Variants in INSL6 observed in about 807,000 individuals in gnomAD.
The protein encoded by INSL6 is insulin like 6.
INSL6 carries 16 observed loss-of-function variants against 9.4 expected under a neutral mutation model. That is an observed-to-expected ratio of 1.70 (90% CI 1.15 to 2.59). The LOEUF (loss-of-function observed/expected upper bound fraction) is 2.59, where lower values mean the gene tolerates loss of function less well. INSL6 is among the 30% of genes most tolerant of loss of function. The pLI is 0.00. For missense variants in INSL6, 391 were observed against 257.3 expected (o/e 1.52, Z -3.56); for synonymous variants, 154 against 96.9 (o/e 1.59, Z -3.46).
At chr9:5,018,391 A>G in the INSL6 span, among the ~76,000 whole-genome samples, 1 of 152,178 alleles carries the variant, frequency 6.6e-6, no homozygotes, top group East Asian at 1.9e-4. Flanking sequence ...GCTGGAGTGC[A>G]GTGGTGTGAT....
intron 3 of INSL6, among the ~76,000 whole-genome samples, chr9:5,128,710 C>A (rs1400077772): frequency 2.0e-5 from 3 of 151,620 alleles, no homozygotes; most frequent in Admixed American, 2.0e-4. Context: ...TCCAAGTTTC[C>A]AAGAGACTTC....
the INSL6 span, among the ~76,000 whole-genome samples, chr9:5,059,235 T>C: frequency 6.6e-6 from 1 of 152,180 alleles, no homozygotes; most frequent in Non-Finnish European, 1.5e-5. Flanking sequence ...CATATTCACC[T>C]CCACCCCTAA....
the INSL6 span, among the ~76,000 whole-genome samples, chr9:5,050,510 A>T: frequency 2.0e-5 from 3 of 152,178 alleles, no homozygotes; most frequent in Non-Finnish European, 4.4e-5. Flanking sequence ...GGCTCAAGTG[A>T]TCTTCATGCC....
chr9:5,067,640 G>A, the INSL6 span, among the ~76,000 whole-genome samples: 1 of 151,646 alleles, frequency 6.6e-6, no homozygotes, highest in East Asian at 1.9e-4. Context: ...TTATATTCAA[G>A]TATGAATTCA....
At chr9:5,040,354 C>A in the INSL6 span, among the ~76,000 whole-genome samples, 1 of 150,962 alleles carries the variant, frequency 6.6e-6, no homozygotes, top group Non-Finnish European at 1.5e-5. Context: ...TATTAAAACT[C>A]CAAGAAGAAA....
At chr9:5,153,349 G>C (rs116817641) in intron 2 of INSL6, among the ~76,000 whole-genome samples, 1,527 of 152,234 alleles carry the variant, frequency 0.01, 26 homozygotes, top group African/African-American at 0.034. Flanking sequence ...CTCGAACTTG[G>C]TGCACGGAGG....
At chr9:5,182,931 TG>T (rs1421483102) in intron 1 of INSL6, among the ~76,000 whole-genome samples, 1 of 152,170 alleles carries the variant, frequency 6.6e-6, no homozygotes, top group East Asian at 1.9e-4. Context: ...TAAGTAGCTT[TG>T]AAAAAAAGCA....
the INSL6 span, among the ~76,000 whole-genome samples, chr9:5,057,635 C>CACAATGG: frequency 0.04 from 5,727 of 142,986 alleles, 390 homozygotes; most frequent in African/African-American, 0.14. Context: ...CAGGCTGGAG[C>CACAATGG]ACAATGGCGC....
chr9:5,055,639 GT>G, the INSL6 span: 1 of 1,499,478 alleles, frequency 6.7e-7, no homozygotes, highest in Non-Finnish European at 9.1e-7. Context: ...AATTCTACCC[GT>G]TTTTAATTTT....
the INSL6 span, among the ~76,000 whole-genome samples, chr9:5,036,888 T>G: frequency 6.6e-6 from 1 of 152,182 alleles, no homozygotes. Flanking sequence ...AAAGAGCTTC[T>G]GCACAGCAAA....
chr9:5,144,459 G>C (rs549856793), intron 2 of INSL6, among the ~76,000 whole-genome samples: 71 of 152,288 alleles, frequency 4.7e-4, no homozygotes, highest in Non-Finnish European at 9.0e-4. Flanking sequence ...GTGGTGATGA[G>C]ATGAATGTAT....
the INSL6 span, among the ~76,000 whole-genome samples, chr9:5,054,070 G>C: frequency 2.0e-5 from 3 of 152,026 alleles, no homozygotes; most frequent in Non-Finnish European, 2.9e-5. This position sits in a 1 kb window ranked among gnomAD's most constrained non-coding sequence, Gnocchi z 4.9. Context: ...AGGAGTTGAA[G>C]CTGGCCTAAC....
intron 2 of INSL6, among the ~76,000 whole-genome samples, chr9:5,138,675 C>T (rs1208354716): frequency 6.6e-6 from 1 of 151,832 alleles, no homozygotes; most frequent in Non-Finnish European, 1.5e-5. Flanking sequence ...CACATGTATA[C>T]CTATGTTAAC....
At chr9:5,019,823 G>A in the INSL6 span, among the ~76,000 whole-genome samples, 2 of 152,202 alleles carry the variant, frequency 1.3e-5, no homozygotes, top group Non-Finnish European at 2.9e-5. Context: ...AGTGGTGTCT[G>A]TGATTTCCTC....
the INSL6 span, among the ~76,000 whole-genome samples, chr9:5,057,669 G>C: frequency 6.8e-6 from 1 of 147,344 alleles, no homozygotes; most frequent in African/African-American, 2.5e-5. Context: ...TGTAACCTGT[G>C]CCTCCTGGGT....
At chr9:5,110,842 G>A in the INSL6 span, 3 of 460,954 alleles carry the variant, frequency 6.5e-6, no homozygotes, top group Non-Finnish European at 1.3e-5. Context: ...CGGGGAAGGT[G>A]GGGGGGACGC....
At chr9:5,047,864 G>A in the INSL6 span, among the ~76,000 whole-genome samples, 70 of 152,138 alleles carry the variant, frequency 4.6e-4, no homozygotes, top group Non-Finnish European at 1.3e-4. Context: ...GCCTCCCAAA[G>A]TGCTGGGAGT....
the INSL6 span, among the ~76,000 whole-genome samples, chr9:5,074,480 G>A: frequency 6.6e-6 from 1 of 152,164 alleles, no homozygotes; most frequent in Non-Finnish European, 1.5e-5. Flanking sequence ...AAAATCATAT[G>A]GTGATCTGTG....
chr9:5,129,178 T>C (rs1824187148), intron 3 of INSL6, among the ~76,000 whole-genome samples: 1 of 152,122 alleles, frequency 6.6e-6, no homozygotes, highest in African/African-American at 2.4e-5. Flanking sequence ...TCTGTATCTA[T>C]AGAGCCAATC....
Sources: allele counts gnomAD v4.1 joint callset (sites outside exome capture counted in the v4.1 genomes callset), GRCh38; gene constraint gnomAD v4.1.1; non-coding constraint Gnocchi (gnomAD v3.1); transcripts MANE v1.5; gene names NCBI Gene and HGNC (gene_info 2026-07-23, HGNC 2026-07-21).